KHDRBS3: variants seen among roughly 807,000 people sequenced by gnomAD.
KHDRBS3 encodes KH RNA binding domain containing, signal transduction associated 3.
KHDRBS3 carries 23 observed loss-of-function variants against 45.6 expected under a neutral mutation model. That is an observed-to-expected ratio of 0.50 (90% CI 0.36 to 0.72). The LOEUF (loss-of-function observed/expected upper bound fraction) is 0.72, where lower values mean the gene tolerates loss of function less well. Among genes scored for constraint, KHDRBS3 ranks in the 30% least tolerant of loss-of-function variants. The pLI, the probability that KHDRBS3 is intolerant of heterozygous loss-of-function variation, is 0.00. For missense variants in KHDRBS3, 352 were observed against 424.8 expected, an observed-to-expected ratio of 0.83 and a Z score of 1.51; for synonymous variants, 162 against 156.5, an observed-to-expected ratio of 1.04 and a Z score of -0.26.
At chr8:135,608,256 C>G (rs1829555325) in intron 7 of KHDRBS3, among the ~76,000 whole-genome samples, 1 of 152,162 alleles carries the variant, frequency 6.6e-6, no homozygotes, top group Admixed American at 6.5e-5. Context: ...TATTCTAACT[C>G]AAAGATATGT....
intron 2 of KHDRBS3, among the ~76,000 whole-genome samples, chr8:135,534,448 T>TC (rs1326309858): frequency 6.6e-6 from 1 of 152,180 alleles, no homozygotes; most frequent in Non-Finnish European, 1.5e-5. Flanking sequence ...TCCTTGCCTG[T>TC]CATAAGTTAC....
chr8:135,618,434 G>T (rs190877605), intron 7 of KHDRBS3, among the ~76,000 whole-genome samples: 3 of 152,214 alleles, frequency 2.0e-5, no homozygotes, highest in African/African-American at 7.2e-5. Context: ...CCACAGAATT[G>T]TAACAATTAC....
intron 1 of KHDRBS3, among the ~76,000 whole-genome samples, chr8:135,493,872 G>T (rs561014382): frequency 6.6e-6 from 1 of 152,258 alleles, no homozygotes; most frequent in South Asian, 2.1e-4. Context: ...GAGTTCACCA[G>T]TGAAGCCATT....
intron 1 of KHDRBS3, among the ~76,000 whole-genome samples, chr8:135,481,894 T>G (rs1187890612): frequency 6.6e-6 from 1 of 152,192 alleles, no homozygotes; most frequent in African/African-American, 2.4e-5. Context: ...TTTGGCAGGC[T>G]TGCAGCCTGT....
intron 2 of KHDRBS3, among the ~76,000 whole-genome samples, chr8:135,529,930 A>C (rs1432908730): frequency 1.3e-5 from 2 of 152,060 alleles, no homozygotes; most frequent in Non-Finnish European, 2.9e-5. Flanking sequence ...GGGTGCCTGT[A>C]GTCCCAGCTA....
chr8:135,571,260 C>A (rs1264299146), intron 5 of KHDRBS3, among the ~76,000 whole-genome samples: 3 of 152,274 alleles, frequency 2.0e-5, no homozygotes, highest in Non-Finnish European at 4.4e-5. Context: ...CACTAATAAG[C>A]TAAGACAGTT....
intron 4 of KHDRBS3, among the ~76,000 whole-genome samples, chr8:135,655,985 A>G (rs1831523922): frequency 6.6e-6 from 1 of 152,226 alleles, no homozygotes; most frequent in Admixed American, 6.5e-5. Flanking sequence ...CATGAATATC[A>G]TAATGGATAG....
chr8:135,564,223 C>T (rs184887323), intron 5 of KHDRBS3, among the ~76,000 whole-genome samples: 5 of 152,062 alleles, frequency 3.3e-5, no homozygotes, highest in South Asian at 2.1e-4. Flanking sequence ...ATCTTTGTGA[C>T]GCTGGTATTT....
chr8:135,561,058 T>A (rs1197567236), intron 5 of KHDRBS3, among the ~76,000 whole-genome samples: 1 of 152,182 alleles, frequency 6.6e-6, no homozygotes, highest in Non-Finnish European at 1.5e-5. Context: ...TGGTACGTGT[T>A]TTCTCAAATC....
chr8:135,651,110 G>A (rs1481602415), downstream of KHDRBS3, among the ~76,000 whole-genome samples: 2 of 152,086 alleles, frequency 1.3e-5, no homozygotes, highest in Non-Finnish European at 2.9e-5. Context: ...GTCAGAGGTA[G>A]CAGAAGGGGC....
chr8:135,531,626 A>C (rs1034026703), intron 2 of KHDRBS3, among the ~76,000 whole-genome samples: 2 of 152,218 alleles, frequency 1.3e-5, no homozygotes, highest in Admixed American at 1.3e-4. Context: ...AGATTGAATT[A>C]ATATTACAAA....
chr8:135,462,771 G>A (rs1424129339), intron 1 of KHDRBS3, among the ~76,000 whole-genome samples: 6 of 152,102 alleles, frequency 3.9e-5, no homozygotes, highest in Admixed American at 1.3e-4. Context: ...TCAGAGTGAA[G>A]GGTCAAGCTT....
chr8:135,497,922 C>A (rs917725046), intron 1 of KHDRBS3, among the ~76,000 whole-genome samples: 3 of 152,106 alleles, frequency 2.0e-5, no homozygotes, highest in Admixed American at 2.0e-4. Flanking sequence ...AATAATTGGG[C>A]CACTGTTAGA....
intron 5 of KHDRBS3, among the ~76,000 whole-genome samples, chr8:135,562,011 A>T (rs1196870539): frequency 1.3e-5 from 2 of 152,210 alleles, no homozygotes; most frequent in Admixed American, 1.3e-4. Flanking sequence ...GACAAATTTT[A>T]AAAAATTACA....
At position 135,631,934 on chromosome 8, in the gene KHDRBS3, C is replaced by T. The variant is rs145238721; in HGVS notation, c.891-13125C>T. Among the ~76,000 whole-genome samples the T allele has an allele frequency of 1.5e-3, 233 of 152,256 alleles. 1 individual carries two copies. Among genetic ancestry groups the T allele is most frequent in the Non-Finnish European group, 2.9e-3 (195 of 68,022 alleles). The stretch of plus-strand genomic sequence containing the variant: ...TGTCACCAACACAAGTAATGCATTG[C>T]GCTATGATGCTACCACGGCTACAGC... On this transcript the variant is annotated intron_variant, in intron 7 of 8. Transcript: ENST00000355849.
chr8:135,511,171 A>G (rs1824264737), intron 1 of KHDRBS3, among the ~76,000 whole-genome samples: 2 of 152,212 alleles, frequency 1.3e-5, no homozygotes, highest in Admixed American at 1.3e-4. Context: ...TGGGGCTGGA[A>G]TCCTGAATCT....
chr8:135,596,720 G>A (rs558066662), intron 6 of KHDRBS3, among the ~76,000 whole-genome samples: 8 of 152,286 alleles, frequency 5.3e-5, no homozygotes, highest in African/African-American at 1.9e-4. Flanking sequence ...GATTTAAACA[G>A]AACTGGAATG....
chr8:135,557,705 CA>C, intron 5 of KHDRBS3, 118 bp downstream of exon 5: 1 of 762,118 alleles, frequency 1.3e-6, no homozygotes, highest in Non-Finnish European at 2.2e-6. Context: ...GGCATGGTGG[CA>C]CATGCCTGTA....
Position 135,582,092 on chromosome 8 carries a change from C to T in KHDRBS3, c.807+19C>T, listed in dbSNP as rs770378856. 1 of 1,512,648 alleles carries T rather than the reference C, an allele frequency of 6.6e-7. No individual in the cohort carries two copies. 93.7% of individuals were successfully genotyped at this position (1,512,648 alleles called of 1,614,324 possible). A position where few individuals can be genotyped will look rare whatever the true frequency, so the allele number is the denominator to read the frequency against. On this transcript the variant is annotated intron_variant, in intron 6 of 8. Coordinates refer to ENST00000355849, the MANE Select transcript of KHDRBS3 (RefSeq NM_006558.3). ...AGAATATGTAAGTGAAGGTGTCAGA[C>T]AACAGCCTTGTTCATCAGATTGACT...
Sources: gnomAD v4.1 joint callset for allele counts (sites outside exome capture counted in the v4.1 genomes callset) on GRCh38, gnomAD v4.1.1 for gene constraint, MANE v1.5 for transcripts, NCBI Gene and HGNC (gene_info 2026-07-23, HGNC 2026-07-21) for gene names.